The following PDZRN3 variants were observed in gnomAD, a reference collection of about 807,000 sequenced individuals.
The protein encoded by PDZRN3 is PDZ domain containing ring finger 3.
Under a neutral mutation model 85.7 loss-of-function variants are expected in PDZRN3, and 38 were observed. The ratio of observed to expected loss-of-function variants is 0.44; its 90% CI spans 0.34 to 0.58. PDZRN3 has a LOEUF of 0.58. PDZRN3 is among the 20% of genes least tolerant of loss of function. PDZRN3 has a pLI of 0.01. For synonymous variants in PDZRN3, 759 were observed against 638.0 expected (o/e 1.19, Z -2.86); for missense variants, 1,629 against 1,506.4 (o/e 1.08, Z -1.35).
At chr3:73,404,109 C>G in intron 4 of PDZRN3, 39 bp downstream of exon 4, 1 of 1,576,852 alleles carries the variant, frequency 6.3e-7, no homozygotes, top group Non-Finnish European at 8.6e-7. Flanking sequence ...CTTGGAAATA[C>G]TTCTTAATGC....
chr3:73,384,386 C>A lies in PDZRN3; in HGVS notation c.2180G>T (p.Arg727Leu), dbSNP rs142384269. Residue 727 changes from arginine (R) to leucine (L), a missense_variant, in exon 10 of 10, where the codon CGC becomes CTC. Arg to Leu is a moderately radical substitution (Grantham distance 102). Transcript: ENST00000263666. ...ESWMLHNSGF[R>L]NYNTSIDVRR... ...CACGTCGATGCTGGTGTTGTAGTTG[C>A]GGAAGCCGCTGTTGTGCAGCATCCA... The A allele has an allele frequency of 1.8e-4, 286 of 1,609,172 alleles. 7 individuals carry two copies. In the South Asian group the frequency reaches 3.0e-3, roughly 17 times the overall value.
At chr3:73,581,053 T>G (rs560066366) in intron 3 of PDZRN3, among the ~76,000 whole-genome samples, 1 of 152,192 alleles carries the variant, frequency 6.6e-6, no homozygotes, top group African/African-American at 2.4e-5. Flanking sequence ...ATTTTGGAGT[T>G]TGAGGTTTAC....
At chr3:73,605,035 A>G (rs1016195275) in intron 2 of PDZRN3, among the ~76,000 whole-genome samples, 2 of 152,140 alleles carry the variant, frequency 1.3e-5, no homozygotes, top group African/African-American at 4.8e-5. Context: ...AGCCTGAACA[A>G]CATGGTGAAA....
intron 2 of PDZRN3, among the ~76,000 whole-genome samples, chr3:73,603,870 A>AACAC (rs71625943): frequency 0.078 from 8,605 of 110,292 alleles, 813 homozygotes; most frequent in African/African-American, 0.23. Context: ...CACTTCCCCA[A>AACAC]ACACACACAC....
At chr3:73,453,637 A>G (rs1021060165) in intron 3 of PDZRN3, among the ~76,000 whole-genome samples, 9 of 151,862 alleles carry the variant, frequency 5.9e-5, no homozygotes, top group East Asian at 3.8e-4. Flanking sequence ...ATAATCAAGA[A>G]TGATTTTGTA....
intron 3 of PDZRN3, among the ~76,000 whole-genome samples, chr3:73,598,289 G>A (rs1702460307): frequency 6.6e-6 from 1 of 152,148 alleles, no homozygotes; most frequent in African/African-American, 2.4e-5. Context: ...TTAAAATATA[G>A]TTCAGACAGT....
chr3:73,394,598 G>C (rs890286990), intron 5 of PDZRN3, among the ~76,000 whole-genome samples: 1 of 152,132 alleles, frequency 6.6e-6, no homozygotes, highest in Non-Finnish European at 1.5e-5. Context: ...AAAAGCAAAG[G>C]GTATTCTGGA....
At chr3:73,536,331 G>A (rs1043074002) in intron 3 of PDZRN3, among the ~76,000 whole-genome samples, 3 of 152,236 alleles carry the variant, frequency 2.0e-5, no homozygotes, top group Admixed American at 6.5e-5. Context: ...GCCTGCAAGA[G>A]GAGTTGACAG....
intron 3 of PDZRN3, among the ~76,000 whole-genome samples, chr3:73,600,396 T>A (rs961733387): frequency 4.7e-5 from 7 of 148,162 alleles, no homozygotes; most frequent in Non-Finnish European, 8.9e-5. Context: ...CTCCTGGTAA[T>A]AAACTCAGAC....
At chr3:73,591,980 A>G (rs1223865619) in intron 3 of PDZRN3, among the ~76,000 whole-genome samples, 2 of 152,188 alleles carry the variant, frequency 1.3e-5, no homozygotes, top group Non-Finnish European at 2.9e-5. Context: ...TGCACACCCA[A>G]CAAGTGAACA....
At chr3:73,533,863 A>G (rs1418352910) in intron 3 of PDZRN3, among the ~76,000 whole-genome samples, 2 of 152,172 alleles carry the variant, frequency 1.3e-5, no homozygotes, top group African/African-American at 2.4e-5. Context: ...CAGTGAGGTT[A>G]GCCTGACCAC....
At chr3:73,404,099 C>T (rs564419585) in intron 4 of PDZRN3, 49 bp downstream of exon 4, 130 of 1,556,576 alleles carry the variant, frequency 8.4e-5, no homozygotes, top group Non-Finnish European at 1.1e-4. Flanking sequence ...AAGAAACCAA[C>T]TTGGAAATAC....
chr3:73,516,914 A>C (rs534896431), intron 3 of PDZRN3, among the ~76,000 whole-genome samples: 47 of 152,358 alleles, frequency 3.1e-4, no homozygotes, highest in South Asian at 6.2e-4. Flanking sequence ...TTTCGGGTCA[A>C]AGCAAACACT....
intron 8 of PDZRN3, among the ~76,000 whole-genome samples, chr3:73,387,527 G>A (rs567769780): frequency 4.9e-4 from 74 of 152,236 alleles, no homozygotes; most frequent in African/African-American, 1.8e-3. Flanking sequence ...GCACTTATTC[G>A]GTGGTCATAT....
At chr3:73,386,226 C>CTTTTTTTTTTTTTTTTTTTTTTTTT (rs71126867) in intron 8 of PDZRN3, among the ~76,000 whole-genome samples, 2 of 90,708 alleles carry the variant, frequency 2.2e-5, no homozygotes, top group African/African-American at 8.1e-5. Context: ...CAAGATATCA[C>CTTTTTTTTTTTTTTTTTTTTTTTTT]TTTTTTTTTT....
At chr3:73,512,584 C>A (rs1051813781) in intron 3 of PDZRN3, among the ~76,000 whole-genome samples, 4 of 151,838 alleles carry the variant, frequency 2.6e-5, no homozygotes, top group Admixed American at 2.6e-4. Flanking sequence ...AAATAAAGCC[C>A]AAATTGCACT....
chr3:73,457,577 T>C (rs1703011534), intron 3 of PDZRN3, among the ~76,000 whole-genome samples: 1 of 152,164 alleles, frequency 6.6e-6, no homozygotes, highest in African/African-American at 2.4e-5. Flanking sequence ...TTCCTCGGTA[T>C]CTGGCCTGGT....
chr3:73,442,580 A>T (rs1222167107), intron 3 of PDZRN3, among the ~76,000 whole-genome samples: 1 of 152,220 alleles, frequency 6.6e-6, no homozygotes, highest in Non-Finnish European at 1.5e-5. Context: ...GATGGCATTA[A>T]GTTAAAAGAA....
chr3:73,547,752 T>C (rs1045460025), intron 3 of PDZRN3, among the ~76,000 whole-genome samples: 2 of 152,178 alleles, frequency 1.3e-5, no homozygotes, highest in Non-Finnish European at 2.9e-5. Flanking sequence ...ATTTCTGTTT[T>C]TGCTGAAGCT....
Sources: allele counts gnomAD v4.1 joint callset (sites outside exome capture counted in the v4.1 genomes callset), GRCh38; gene constraint gnomAD v4.1.1; transcripts MANE v1.5; gene names NCBI Gene and HGNC (gene_info 2026-07-23, HGNC 2026-07-21).